The following EIF2AK3 variants were observed in gnomAD, a reference collection of about 807,000 sequenced individuals.
The protein encoded by EIF2AK3 is eukaryotic translation initiation factor 2 alpha kinase 3.
Under a neutral mutation model 113.5 loss-of-function variants are expected in EIF2AK3, and 50 were observed. The ratio of observed to expected loss-of-function variants is 0.44; its 90% CI spans 0.35 to 0.56. The LOEUF (loss-of-function observed/expected upper bound fraction) is 0.56. Among genes scored for constraint, EIF2AK3 ranks in the 20% least tolerant of loss-of-function variants. EIF2AK3 has a pLI of 0.00. For missense variants in EIF2AK3, 1,185 were observed against 1,378.0 expected (o/e 0.86, Z 2.22); for synonymous variants, 448 against 495.4 (o/e 0.90, Z 1.27).
At chr2:88,583,659 A>T (rs1339728812) in intron 9 of EIF2AK3, 117 bp from the exon 10 acceptor site, 1 of 779,320 alleles carries the variant, frequency 1.3e-6, no homozygotes, top group Non-Finnish European at 2.2e-6. Flanking sequence ...CAAGAAAAAT[A>T]AAAGCATTAT....
intron 13 of EIF2AK3, 175 bp downstream of exon 13, chr2:88,574,491 C>A: frequency 1.4e-6 from 1 of 724,120 alleles, no homozygotes; most frequent in Non-Finnish European, 2.3e-6. Flanking sequence ...AGTTTTCAGA[C>A]ATAAGACTTC....
At chr2:88,611,621 A>G (rs1000772633) in intron 2 of EIF2AK3, among the ~76,000 whole-genome samples, 13 of 152,104 alleles carry the variant, frequency 8.5e-5, no homozygotes, top group African/African-American at 3.1e-4. Flanking sequence ...TTTCGATTCA[A>G]CATTTCTTTT....
Position 88,571,009 on chromosome 2 carries a change from C to G in EIF2AK3, c.2850G>C (p.Val950=), listed in dbSNP as rs780621963. Reference sequence around the variant, plus strand: ...CTAACCCAAAGTCTCCAACCTTGACCACATCATCCATTGTAAAGAATATGT... The same window carrying G: ...CTAACCCAAAGTCTCCAACCTTGACGACATCATCCATTGTAAAGAATATGT... ...PSNIFFTMDD[V]VKVGDFGLVT... is the part of the protein sequence containing the mutation. Residue 950 remains valine (V), a synonymous_variant, in exon 14 of 17, where the codon GTG becomes GTC. Coordinates refer to ENST00000303236, the MANE Select transcript of EIF2AK3 (RefSeq NM_004836.7). 2 of 1,614,026 alleles carry G rather than the reference C, an allele frequency of 1.2e-6. No homozygotes were observed. Among genetic ancestry groups the G allele is most frequent in the Admixed American group, 3.3e-5 (2 of 59,998 alleles).
chr2:88,593,226 G>A (rs780142662), intron 4 of EIF2AK3, 46 bp downstream of exon 4: 1 of 1,609,946 alleles, frequency 6.2e-7, no homozygotes, highest in East Asian at 2.2e-5. Context: ...TTGGTATTAG[G>A]TGTATTTCTA....
Position 88,627,298 on chromosome 2 carries a change from C to T in EIF2AK3, c.-24G>A, listed in dbSNP as rs778644180. 2.7e-6 allele frequency: 4 copies of T among 1,476,692 alleles called. No homozygotes were observed. The highest frequency in any genetic ancestry group is 2.5e-5 in the South Asian group (2 of 78,928). The allele number at this position is 1,476,692 out of a possible 1,614,324, so 91.5% of individuals were successfully genotyped here. ...ATCAGCGTCCCGCCCCGCGCGCAGG[C>T]ATGGAGGCGCAGCCACTGACGCCTG... On this transcript the variant is annotated 5_prime_UTR_variant, in exon 1 of 17. The change abolishes an upstream ATG in the 5' untranslated region. Transcript: ENST00000303236.
At position 88,567,901 on chromosome 2, in the gene EIF2AK3, T is replaced by C. The variant is rs148940630; in HGVS notation, c.2985+2973A>G. Reference sequence around the variant, plus strand: ...CTCCTTTACACAAAAGGTGTACACATTTCTGCATTTTGTTTTTTTTCACTT... The same window carrying C: ...CTCCTTTACACAAAAGGTGTACACACTTCTGCATTTTGTTTTTTTTCACTT... On this transcript the variant is annotated intron_variant, in intron 14 of 16. Transcript: ENST00000303236. Among the ~76,000 whole-genome samples, 175 of 152,322 alleles carry C rather than the reference T, an allele frequency of 1.1e-3. 1 individual carries two copies. The highest frequency in any genetic ancestry group is 4.0e-3 in the African/African-American group (165 of 41,570).
At chr2:88,615,160 G>T (rs1401360254) in intron 1 of EIF2AK3, among the ~76,000 whole-genome samples, 2 of 152,162 alleles carry the variant, frequency 1.3e-5, no homozygotes, top group African/African-American at 2.4e-5. Context: ...CCTGGACCAT[G>T]GGTTCCACCT....
rs755758350 is a variant in EIF2AK3, at chr2:88,559,066, A to T, written c.3088-87T>A. On this transcript the variant is annotated intron_variant, in intron 15 of 16. Transcript: ENST00000303236. ...TTGATACTCTAACAAAATGACTAAG[A>T]GGTTGTACATCTATCAAATGGAAAA... 136 of 868,150 alleles carry T rather than the reference A, an allele frequency of 1.6e-4. 1 individual carries two copies. Among genetic ancestry groups the T allele is most frequent in the Non-Finnish European group, 2.0e-4 (112 of 546,692 alleles). The allele number at this position is 868,150 out of a possible 1,614,324, so 53.8% of individuals were successfully genotyped here. A position where few individuals can be genotyped will look rare whatever the true frequency, so the allele number is the denominator to read the frequency against.
chr2:88,568,640 A>G (rs918480168), intron 14 of EIF2AK3, among the ~76,000 whole-genome samples: 1 of 152,230 alleles, frequency 6.6e-6, no homozygotes, highest in Non-Finnish European at 1.5e-5. Flanking sequence ...TCCAATCACT[A>G]AATAGTGTAT....
intron 10 of EIF2AK3, among the ~76,000 whole-genome samples, chr2:88,582,301 A>G (rs1204174726): frequency 6.6e-6 from 1 of 152,204 alleles, no homozygotes; most frequent in Non-Finnish European, 1.5e-5. Context: ...TCTGAAATAC[A>G]TGAGATCCCT....
At chr2:88,611,151 A>C (rs1029510808) in intron 2 of EIF2AK3, among the ~76,000 whole-genome samples, 2 of 152,220 alleles carry the variant, frequency 1.3e-5, no homozygotes, top group Admixed American at 1.3e-4. Flanking sequence ...GGTATATACA[A>C]GGTGGCAAAA....
chr2:88,616,339 C>CT (rs1318800680), intron 1 of EIF2AK3, among the ~76,000 whole-genome samples: 3 of 152,134 alleles, frequency 2.0e-5, no homozygotes, highest in African/African-American at 7.2e-5. Context: ...AAAATTTTTG[C>CT]TTAGGGCCTT....
intron 2 of EIF2AK3, among the ~76,000 whole-genome samples, chr2:88,598,112 A>G (rs2104449112): frequency 6.6e-6 from 1 of 152,322 alleles, no homozygotes; most frequent in Admixed American, 6.5e-5. Flanking sequence ...AAGCACCAAA[A>G]TAATTAAGTA....
intron 15 of EIF2AK3, among the ~76,000 whole-genome samples, chr2:88,560,971 A>C (rs888195188): frequency 6.6e-6 from 1 of 152,142 alleles, no homozygotes; most frequent in Non-Finnish European, 1.5e-5. Context: ...GAGGGTAGCT[A>C]CTTATGAAAG....
intron 4 of EIF2AK3, 102 bp from the exon 5 acceptor site, chr2:88,591,154 GATGAGA>G: frequency 5.6e-6 from 6 of 1,072,486 alleles, no homozygotes; most frequent in Non-Finnish European, 8.4e-6. Flanking sequence ...AAAATTATGT[GATGAGA>G]AAACTAACAA....
At chr2:88,561,468 AG>A (rs1009245139) in intron 15 of EIF2AK3, among the ~76,000 whole-genome samples, 4 of 151,540 alleles carry the variant, frequency 2.6e-5, no homozygotes, top group Non-Finnish European at 5.9e-5. Flanking sequence ...TTACCGTGTT[AG>A]CCAGGATGAT....
At chr2:88,595,206 C>CAAA (rs11339424) in intron 3 of EIF2AK3, among the ~76,000 whole-genome samples, 74 of 59,314 alleles carry the variant, frequency 1.2e-3, no homozygotes, top group Admixed American at 1.8e-3. Flanking sequence ...GACTCTGTCT[C>CAAA]AAAAAAAAAA....
chr2:88,576,669 T>A lies in EIF2AK3; in HGVS notation c.1921A>T (p.Lys641Ter), dbSNP rs777211078. 1 of 1,614,178 alleles carries A rather than the reference T, an allele frequency of 6.2e-7. No individual in the cohort carries two copies. Residue 641 changes from lysine to a stop codon, truncating the protein, a stop_gained, in exon 12 of 17, where the codon AAA becomes TAA. Coordinates refer to ENST00000303236, the MANE Select transcript of EIF2AK3 (RefSeq NM_004836.7). LOFTEE classifies it high-confidence loss of function. Reference sequence around the variant, plus strand: ...GGGTGTTCAAGCTTGGCTAAGGCTTTAACTTCTCGCATTACCTTTTCCCGA... The same window carrying A: ...GGGTGTTCAAGCTTGGCTAAGGCTTAAACTTCTCGCATTACCTTTTCCCGA... The part of the protein sequence containing the change: ...LAREKVMREV[K>*]ALAKLEHPGI...
intron 12 of EIF2AK3, 49 bp from the exon 13 acceptor site, chr2:88,575,495 C>A: frequency 6.3e-7 from 1 of 1,589,864 alleles, no homozygotes; most frequent in South Asian, 1.1e-5. Flanking sequence ...TATATTGATT[C>A]AAGTACCTGA....
Sources: allele counts gnomAD v4.1 joint callset (sites outside exome capture counted in the v4.1 genomes callset), GRCh38; gene constraint gnomAD v4.1.1; transcripts MANE v1.5; gene names NCBI Gene and HGNC (gene_info 2026-07-23, HGNC 2026-07-21).